RGS7: variants seen among roughly 807,000 people sequenced by gnomAD.
RGS7 encodes the protein regulator of G protein signaling 7.
A neutral mutation model predicts 81.1 loss-of-function variants in RGS7; 27 were observed. That is an observed-to-expected ratio of 0.33 (90% CI 0.25 to 0.46). RGS7 has a LOEUF of 0.46. Ranked by LOEUF, RGS7 falls within the 20% of genes least tolerant of loss-of-function variation. The pLI is 1.00. For synonymous variants in RGS7, 208 were observed against 207.7 expected, an observed-to-expected ratio of 1.00 and a Z score of -0.01; for missense variants, 396 against 607.4, an observed-to-expected ratio of 0.65 and a Z score of 3.66.
In RGS7 at chr1:240,867,603, T is replaced by C. The variant is rs180919217; in HGVS notation, c.609+984A>G. ...AGAAAGCCAGCTAAGTTATTAGAGATCCAATGTTATGTCATTAAAAGTGTG... is the reference window on the plus strand; with the variant it reads ...AGAAAGCCAGCTAAGTTATTAGAGACCCAATGTTATGTCATTAAAAGTGTG... On this transcript the variant is annotated intron_variant, in intron 9 of 18. Coordinates refer to ENST00000440928, the MANE Select transcript of RGS7 (RefSeq NM_001364886.1). Among the ~76,000 whole-genome samples the C allele has an allele frequency of 2.4e-3, 369 of 152,312 alleles. 4 individuals carry two copies. Among genetic ancestry groups the C allele is most frequent in the African/African-American group, 8.2e-3 (340 of 41,560 alleles).
chr1:240,869,710 C>T (rs968289935), intron 7 of RGS7, among the ~76,000 whole-genome samples: 8 of 152,060 alleles, frequency 5.3e-5, no homozygotes, highest in African/African-American at 1.7e-4. Flanking sequence ...GAGGCTGAGG[C>T]GGGTAGATCA....
chr1:241,343,224 T>C (rs1450593077), intron 2 of RGS7, among the ~76,000 whole-genome samples: 2 of 147,844 alleles, frequency 1.4e-5, no homozygotes, highest in African/African-American at 5.0e-5. Flanking sequence ...ATTGCACCAC[T>C]GCACTCCAGC....
intron 5 of RGS7, among the ~76,000 whole-genome samples, chr1:240,933,103 C>T (rs1039330440): frequency 4.2e-5 from 6 of 144,026 alleles, no homozygotes; most frequent in South Asian, 4.2e-4. Flanking sequence ...AGGATGGTCT[C>T]CATCTCCTGA....
rs185711485 is a variant in RGS7 at position 241,231,832 on chromosome 1, A to G, written c.78+123867T>C. Among the ~76,000 whole-genome samples, 551 of 152,322 alleles carry G rather than the reference A, an allele frequency of 3.6e-3. 5 individuals are homozygous for G. Among genetic ancestry groups the G allele is most frequent in the Non-Finnish European group, 3.7e-3 (251 of 68,024 alleles). ...AAAGCAAAAGGTTTTAATTTTGACAAAGTTCAGTTTATCAATGTTTCTTTT... is the reference window on the plus strand; with the variant it reads ...AAAGCAAAAGGTTTTAATTTTGACAGAGTTCAGTTTATCAATGTTTCTTTT... On this transcript the variant is annotated intron_variant, in intron 2 of 18. Transcript: ENST00000440928.
rs138898039 is a variant in RGS7 at position 241,181,745 on chromosome 1, C to A, written c.79-82983G>T. Among the ~76,000 whole-genome samples the A allele has an allele frequency of 1.1e-3, 171 of 152,294 alleles. 1 individual carries two copies. The highest frequency in any genetic ancestry group is 3.7e-3 in the African/African-American group (154 of 41,556). On this transcript the variant is annotated intron_variant, in intron 2 of 18. Transcript: ENST00000440928. Reference sequence around the variant, plus strand: ...ACTGGGTCTGGCTCTGTCACTGGGGCTGGAGTGCAGTGGCATGATTATGAC... The same window carrying A: ...ACTGGGTCTGGCTCTGTCACTGGGGATGGAGTGCAGTGGCATGATTATGAC...
chr1:241,125,427 G>GAGAC (rs887108902), intron 2 of RGS7, among the ~76,000 whole-genome samples: 33 of 149,356 alleles, frequency 2.2e-4, no homozygotes, highest in African/African-American at 7.3e-4. Context: ...CAAAGACATG[G>GAGAC]ACACACACAC....
At chr1:241,265,302 T>C (rs2077528161) in intron 2 of RGS7, among the ~76,000 whole-genome samples, 1 of 152,136 alleles carries the variant, frequency 6.6e-6, no homozygotes, top group Non-Finnish European at 1.5e-5. Context: ...CTTCAACCAA[T>C]GGGATGCAGA....
At chr1:240,789,528 C>T (rs1405449318) in intron 18 of RGS7, among the ~76,000 whole-genome samples, 1 of 152,196 alleles carries the variant, frequency 6.6e-6, no homozygotes, top group African/African-American at 2.4e-5. Flanking sequence ...AGGAACATCC[C>T]TGAGAAACAG....
chr1:241,306,207 CACACA>C (rs1235095004), intron 2 of RGS7, among the ~76,000 whole-genome samples: 2 of 150,650 alleles, frequency 1.3e-5, no homozygotes, highest in African/African-American at 2.4e-5. Flanking sequence ...CACACAGGTC[CACACA>C]ACACAAGCAC....
intron 2 of RGS7, among the ~76,000 whole-genome samples, chr1:241,311,762 A>C (rs2080547868): frequency 6.6e-6 from 1 of 152,258 alleles, no homozygotes; most frequent in Admixed American, 6.5e-5. Flanking sequence ...GTGTTGGAAC[A>C]AATTTGTGTT....
At chr1:241,012,517 T>C (rs1054563579) in intron 3 of RGS7, among the ~76,000 whole-genome samples, 1 of 152,136 alleles carries the variant, frequency 6.6e-6, no homozygotes, top group Non-Finnish European at 1.5e-5. Context: ...CCAAAATCTC[T>C]CATTATCCCC....
chr1:241,018,985 A>G (rs1230649177), intron 3 of RGS7, among the ~76,000 whole-genome samples: 1 of 152,124 alleles, frequency 6.6e-6, no homozygotes, highest in Admixed American at 6.5e-5. Context: ...AAAGTATAGG[A>G]CACATTCTCT....
intron 4 of RGS7, among the ~76,000 whole-genome samples, chr1:240,946,837 T>C (rs1214101178): frequency 1.3e-5 from 2 of 152,116 alleles, no homozygotes; most frequent in African/African-American, 4.8e-5. Flanking sequence ...AATAACAATG[T>C]AGTGTATATT....
chr1:240,870,779 A>G (rs1045154840), intron 6 of RGS7, among the ~76,000 whole-genome samples: 8 of 152,352 alleles, frequency 5.3e-5, no homozygotes, highest in African/African-American at 1.9e-4. Flanking sequence ...TGTGAAAAGG[A>G]AATTATGAAT....
chr1:241,349,312 T>G (rs1457091371), intron 2 of RGS7, among the ~76,000 whole-genome samples: 3 of 152,200 alleles, frequency 2.0e-5, no homozygotes, highest in Admixed American at 2.0e-4. Context: ...AAGAAAACTT[T>G]TACTTGTCAA....
intron 10 of RGS7, among the ~76,000 whole-genome samples, chr1:240,821,724 G>C (rs530114166): frequency 1.3e-5 from 2 of 152,246 alleles, no homozygotes; most frequent in African/African-American, 4.8e-5. Context: ...TGTTTTTCTA[G>C]GATGTGCACA....
chr1:241,033,639 A>G (rs2060195753), intron 3 of RGS7, among the ~76,000 whole-genome samples: 1 of 152,056 alleles, frequency 6.6e-6, no homozygotes. Flanking sequence ...TTCATTTAAT[A>G]TGTTATGGTG....
intron 3 of RGS7, among the ~76,000 whole-genome samples, chr1:240,996,581 G>A (rs1190987302): frequency 6.6e-6 from 1 of 152,014 alleles, no homozygotes; most frequent in Non-Finnish European, 1.5e-5. Context: ...TTTTCCTTGT[G>A]GTGACGTCTG....
chr1:241,326,453 G>T (rs760915952), intron 2 of RGS7, among the ~76,000 whole-genome samples: 1 of 152,136 alleles, frequency 6.6e-6, no homozygotes, highest in African/African-American at 2.4e-5. Flanking sequence ...CAGTAGGCCT[G>T]TCTACAACAG....
Sources: gnomAD v4.1 joint callset for allele counts (sites outside exome capture counted in the v4.1 genomes callset) on GRCh38, gnomAD v4.1.1 for gene constraint, MANE v1.5 for transcripts, NCBI Gene and HGNC (gene_info 2026-07-23, HGNC 2026-07-21) for gene names.